Variants in LRRD1 observed in about 807,000 individuals in gnomAD.
LRRD1 encodes leucine rich repeats and death domain containing 1, also known as leucine-rich repeat and death domain-containing protein 1.
Under a neutral mutation model 69.5 loss-of-function variants are expected in LRRD1, and 49 were observed. The observed-to-expected ratio is 0.70, with a 90% CI of 0.56 to 0.89. The LOEUF (loss-of-function observed/expected upper bound fraction) is 0.89, where lower values mean the gene tolerates loss of function less well. Among genes scored for constraint, LRRD1 ranks in the 40% least tolerant of loss-of-function variants. LRRD1 has a pLI of 0.00. For synonymous variants in LRRD1, 303 were observed against 338.9 expected, an observed-to-expected ratio of 0.89 and a Z score of 1.16; for missense variants, 853 against 956.0, an observed-to-expected ratio of 0.89 and a Z score of 1.42.
In LRRD1 at chr7:92,164,206, T is replaced by C; in HGVS notation, c.997A>G (p.Met333Val). 6.5e-7 allele frequency: 1 copy of C among 1,549,562 alleles called. No individual in the cohort carries two copies. Among genetic ancestry groups the C allele is most frequent in the Non-Finnish European group, 8.7e-7 (1 of 1,146,362 alleles). The change falls in exon 2 of 6, where the codon ATG (methionine) becomes GTG (valine). Residue 333 changes from methionine (M) to valine (V), a missense_variant. Around this residue, in one of 3 missense-constraint regions of LRRD1, gnomAD observed 739 missense variants for 808.0 expected, o/e 0.91. Coordinates refer to ENST00000458448, the MANE Select transcript of LRRD1 (RefSeq NM_001161528.2). The stretch of plus-strand genomic sequence containing the variant: ...AGAAAGGTAAGCTTATTGTGATCCA[T>C]TAAAAGTGTTTCTAAATTTTTAAGC... The part of the protein sequence containing the change: ...RELKNLETLL[M>V]DHNKLTFLAV...
chr7:92,175,329 C>T (rs570154819), intron 1 of LRRD1, among the ~76,000 whole-genome samples: 1 of 152,172 alleles, frequency 6.6e-6, no homozygotes, highest in Non-Finnish European at 1.5e-5. Context: ...ATGATCCACT[C>T]AAATTGAGTA....
In LRRD1 at chr7:92,164,888, C is replaced by G. The variant is rs189736106; in HGVS notation, c.315G>C (p.Gly105=). The part of the protein sequence containing the change: ...GTSQSLSSLT[G]RTAEYQALVN... ...CCAAAGCCTGATATTCTGCAGTCCT[C>G]CCAGTTAGTGATGATAAACTCTGTG... Residue 105 remains glycine, a synonymous_variant, in exon 2 of 6, where the codon GGG becomes GGC. Transcript: ENST00000458448. 2.9e-4 allele frequency: 455 copies of G among 1,551,534 alleles called. 2 individuals are homozygous for G. In the East Asian group the frequency reaches 6.7e-3, roughly 23 times the overall value.
At chr7:92,167,529 A>T (rs1030426621) in intron 1 of LRRD1, among the ~76,000 whole-genome samples, 1 of 151,890 alleles carries the variant, frequency 6.6e-6, no homozygotes, top group African/African-American at 2.4e-5. Context: ...AAAAATTTTT[A>T]AAGTAATCTG....
intron 3 of LRRD1, among the ~76,000 whole-genome samples, chr7:92,156,281 A>T (rs1403529782): frequency 6.6e-6 from 1 of 152,178 alleles, no homozygotes; most frequent in Non-Finnish European, 1.5e-5. Flanking sequence ...AAATTGTTTC[A>T]GCTATTCTAG....
chr7:92,178,904 C>G (rs997805246), intron 1 of LRRD1, 103 bp downstream of exon 1: 1 of 152,204 alleles, frequency 6.6e-6, no homozygotes, highest in African/African-American at 2.4e-5. Flanking sequence ...TACAGGCTAA[C>G]GTAACGTGGG....
intron 3 of LRRD1, among the ~76,000 whole-genome samples, chr7:92,150,936 G>A (rs1820451529): frequency 6.6e-6 from 1 of 152,124 alleles, no homozygotes; most frequent in Non-Finnish European, 1.5e-5. Context: ...TTTTAATACA[G>A]CAAAGAACTT....
intron 3 of LRRD1, among the ~76,000 whole-genome samples, chr7:92,156,870 C>T (rs1162558140): frequency 2.0e-5 from 3 of 152,090 alleles, no homozygotes; most frequent in East Asian, 1.9e-4. Context: ...GAAAATAAAT[C>T]GTTTACCATG....
intron 1 of LRRD1, among the ~76,000 whole-genome samples, chr7:92,169,237 G>C (rs1203329709): frequency 3.3e-5 from 5 of 152,000 alleles, no homozygotes; most frequent in Non-Finnish European, 7.4e-5. Flanking sequence ...TTTTAAGGCA[G>C]TGATCTCAAA....
intron 4 of LRRD1, among the ~76,000 whole-genome samples, chr7:92,147,989 TCACTACAATCTCCG>T (rs1308811934): frequency 1.1e-4 from 17 of 152,148 alleles, no homozygotes; most frequent in African/African-American, 3.9e-4. Flanking sequence ...GGATCTCATC[TCACTACAATCTCCG>T]CCTCCTGATT....
At chr7:92,146,916 C>A (rs1820341039) in intron 4 of LRRD1, among the ~76,000 whole-genome samples, 1 of 148,788 alleles carries the variant, frequency 6.7e-6, no homozygotes, top group African/African-American at 2.5e-5. Flanking sequence ...GAGTGAAACT[C>A]CGTCTCATAA....
At chr7:92,168,560 T>C (rs1426321137) in intron 1 of LRRD1, among the ~76,000 whole-genome samples, 1 of 151,818 alleles carries the variant, frequency 6.6e-6, no homozygotes, top group African/African-American at 2.4e-5. Flanking sequence ...CTTTGGGATG[T>C]ACCCCATCCA....
At chr7:92,174,434 C>A (rs1789119841) in intron 1 of LRRD1, among the ~76,000 whole-genome samples, 1 of 121,808 alleles carries the variant, frequency 8.2e-6, no homozygotes, top group Non-Finnish European at 1.6e-5. Context: ...ATCACATATA[C>A]CTTGAAAATA....
intron 5 of LRRD1, 33 bp from the exon 6 acceptor site, chr7:92,145,107 A>C (rs1584647620): frequency 9.3e-7 from 1 of 1,072,264 alleles, no homozygotes; most frequent in East Asian, 3.1e-5. Flanking sequence ...TTAATAGTTA[A>C]ATATTTATTA....
At chr7:92,148,064 C>T (rs1820373254) in intron 4 of LRRD1, among the ~76,000 whole-genome samples, 1 of 152,116 alleles carries the variant, frequency 6.6e-6, no homozygotes, top group African/African-American at 2.4e-5. Flanking sequence ...CCTCAGCCTC[C>T]CGAGTAGCTG....
intron 3 of LRRD1, among the ~76,000 whole-genome samples, chr7:92,158,329 T>C (rs935641478): frequency 2.0e-5 from 3 of 152,020 alleles, no homozygotes; most frequent in Non-Finnish European, 4.4e-5. Flanking sequence ...GTGCTCCAGC[T>C]TGGGCAACAG....
intron 1 of LRRD1, among the ~76,000 whole-genome samples, chr7:92,178,110 G>A (rs567983468): frequency 6.6e-6 from 1 of 152,256 alleles, no homozygotes; most frequent in Non-Finnish European, 1.5e-5. Flanking sequence ...TCAGGAGATC[G>A]AGACCATCCT....
intron 1 of LRRD1, among the ~76,000 whole-genome samples, chr7:92,178,140 C>T (rs1209992582): frequency 2.6e-5 from 4 of 152,172 alleles, no homozygotes; most frequent in East Asian, 1.9e-4. Flanking sequence ...GGTGAAACCC[C>T]GTCTGTACTA....
At chr7:92,171,530 T>C (rs1563194912) in intron 1 of LRRD1, among the ~76,000 whole-genome samples, 5 of 152,154 alleles carry the variant, frequency 3.3e-5, no homozygotes, top group African/African-American at 1.2e-4. Flanking sequence ...AAATCTGTAA[T>C]AAAAAGTCTC....
intron 3 of LRRD1, among the ~76,000 whole-genome samples, chr7:92,151,463 A>C (rs1354925568): frequency 6.6e-6 from 1 of 152,222 alleles, no homozygotes; most frequent in Non-Finnish European, 1.5e-5. Flanking sequence ...ATCACTAATG[A>C]TGTTAAATTT....
Sources: gnomAD v4.1 joint callset for allele counts (sites outside exome capture counted in the v4.1 genomes callset) on GRCh38, gnomAD v4.1.1 for gene constraint, gnomAD v4.1.1 regional missense constraint, MANE v1.5 for transcripts, NCBI Gene and HGNC (gene_info 2026-07-23, HGNC 2026-07-21) for gene names.